The following MGAT5 variants were observed in gnomAD, a reference collection of about 807,000 sequenced individuals.
The protein encoded by MGAT5 is alpha-1,6-mannosylglycoprotein 6-beta-N-acetylglucosaminyltransferase, also known as alpha-1,6-mannosylglycoprotein 6-beta-N-acetylglucosaminyltransferase A.
In MGAT5, 30 loss-of-function variants were observed where a neutral mutation model predicts 94.3. The ratio of observed to expected loss-of-function variants is 0.32; its 90% CI spans 0.24 to 0.43. The LOEUF (loss-of-function observed/expected upper bound fraction) is 0.43. Ranked by LOEUF, MGAT5 falls within the 20% of genes least tolerant of loss-of-function variation. MGAT5 has a pLI of 1.00. For missense variants in MGAT5, 691 were observed against 905.5 expected, an observed-to-expected ratio of 0.76 and a Z score of 3.04; for synonymous variants, 310 against 322.9, an observed-to-expected ratio of 0.96 and a Z score of 0.43.
intron 10 of MGAT5, among the ~76,000 whole-genome samples, chr2:134,371,782 C>G (rs1258402858): frequency 6.6e-6 from 1 of 152,094 alleles, no homozygotes; most frequent in East Asian, 1.9e-4. Flanking sequence ...CAAGCAATAG[C>G]TTGGTTGTAG....
intron 9 of MGAT5, among the ~76,000 whole-genome samples, chr2:134,353,301 GAGA>G (rs1679510557): frequency 6.6e-6 from 1 of 152,160 alleles, no homozygotes; most frequent in Non-Finnish European, 1.5e-5. Flanking sequence ...CTCTCATACA[GAGA>G]AGATTATTAC....
intron 1 of MGAT5, among the ~76,000 whole-genome samples, chr2:134,264,249 C>T (rs1232826255): frequency 6.6e-6 from 1 of 152,020 alleles, no homozygotes; most frequent in Non-Finnish European, 1.5e-5. Flanking sequence ...CTCAAACTCC[C>T]GACCTCAGGT....
chr2:134,354,520 G>A (rs766567641), intron 9 of MGAT5, among the ~76,000 whole-genome samples: 2 of 152,146 alleles, frequency 1.3e-5, no homozygotes, highest in Admixed American at 1.3e-4. Context: ...CATGGTACAC[G>A]TCTCACTTTA....
At chr2:134,167,223 A>G (rs1027255148) in intron 1 of MGAT5, among the ~76,000 whole-genome samples, 1 of 152,248 alleles carries the variant, frequency 6.6e-6, no homozygotes, top group African/African-American at 2.4e-5. Context: ...TATTTAAGTG[A>G]TCACATAAGG....
At chr2:134,282,274 G>T (rs1046765912) in intron 2 of MGAT5, among the ~76,000 whole-genome samples, 1 of 152,236 alleles carries the variant, frequency 6.6e-6, no homozygotes, top group African/African-American at 2.4e-5. Flanking sequence ...GGCCAGGAGT[G>T]TGTGCCATGC....
At chr2:134,222,102 A>G (rs981287308) in intron 1 of MGAT5, among the ~76,000 whole-genome samples, 4 of 151,982 alleles carry the variant, frequency 2.6e-5, no homozygotes, top group African/African-American at 4.8e-5. Context: ...GTAGTAGCCA[A>G]TTCTTTAAGA....
chr2:134,415,635 G>C (rs1026871310), intron 12 of MGAT5, among the ~76,000 whole-genome samples: 1 of 152,090 alleles, frequency 6.6e-6, no homozygotes, highest in Admixed American at 6.5e-5. Flanking sequence ...TGCAATCTCA[G>C]TTGCCTGTTT....
rs78087079 is a variant in MGAT5 at position 134,234,643 on chromosome 2, G to T, written c.-142-19619G>T. 4.6e-3 allele frequency among the ~76,000 whole-genome samples: 708 copies of T among 152,298 alleles called. 21 individuals carry two copies. The East Asian group carries it at 0.1, about 22-fold the overall frequency. On this transcript the variant is annotated intron_variant, in intron 1 of 16. Transcript: ENST00000409645. Reference sequence around the variant, plus strand: ...CACCAGGTGCTTTTAAATTCCCTTCGTTTCTTGGGATTAGCAATAAGGTGT... The same window carrying T: ...CACCAGGTGCTTTTAAATTCCCTTCTTTTCTTGGGATTAGCAATAAGGTGT...
chr2:134,275,302 G>A (rs1370814627), intron 2 of MGAT5, among the ~76,000 whole-genome samples: 1 of 152,160 alleles, frequency 6.6e-6, no homozygotes, highest in African/African-American at 2.4e-5. Flanking sequence ...TTTGTTATTT[G>A]CAATGGTAAC....
At chr2:134,217,508 G>A (rs1384538477) in intron 1 of MGAT5, among the ~76,000 whole-genome samples, 2 of 152,148 alleles carry the variant, frequency 1.3e-5, no homozygotes, top group East Asian at 1.9e-4. Context: ...GAAAGCCACC[G>A]TCAAGAGGAA....
At chr2:134,293,115 A>G (rs555720015) in intron 2 of MGAT5, among the ~76,000 whole-genome samples, 1 of 152,362 alleles carries the variant, frequency 6.6e-6, no homozygotes, top group South Asian at 2.1e-4. Flanking sequence ...TCATTTCATT[A>G]CAATTCATTT....
intron 1 of MGAT5, among the ~76,000 whole-genome samples, chr2:134,171,839 G>A (rs1373405641): frequency 1.3e-5 from 2 of 152,128 alleles, no homozygotes; most frequent in East Asian, 3.9e-4. Flanking sequence ...CAGAGAGCTG[G>A]GGTATTTGCT....
intron 2 of MGAT5, among the ~76,000 whole-genome samples, chr2:134,313,246 G>T (rs910676522): frequency 6.6e-5 from 10 of 152,088 alleles, no homozygotes; most frequent in Non-Finnish European, 1.2e-4. Context: ...GAACACCCCC[G>T]CTGCGTGTAT....
rs1686107953 is a variant in MGAT5 at position 134,451,504 on chromosome 2, AG to A, written c.*2662del. On this transcript the variant is annotated 3_prime_UTR_variant, in exon 16 of 16. Coordinates refer to ENST00000281923, the MANE Select transcript of MGAT5 (RefSeq NM_002410.5). ...AGTGATCCTGGAGAGGAAACTGGGGAGGGGGCTTCCAACTGCCCTGCATGGA... is the reference window on the plus strand; with the variant it reads ...AGTGATCCTGGAGAGGAAACTGGGGAGGGGCTTCCAACTGCCCTGCATGGA... 1 of 152,210 alleles carries A rather than the reference AG, an allele frequency of 6.6e-6. No homozygotes were observed. The highest frequency in any genetic ancestry group is 1.5e-5 in the Non-Finnish European group (1 of 68,056). 9.4% of individuals were successfully genotyped at this position (152,210 alleles called of 1,614,324 possible).
chr2:134,288,578 G>A (rs933711593), intron 2 of MGAT5, among the ~76,000 whole-genome samples: 1 of 151,688 alleles, frequency 6.6e-6, no homozygotes, highest in African/African-American at 2.4e-5. Context: ...TTGATACCAT[G>A]TAAGTATTTG....
chr2:134,162,782 C>G (rs952171536), intron 1 of MGAT5, among the ~76,000 whole-genome samples: 4 of 152,206 alleles, frequency 2.6e-5, no homozygotes, highest in Non-Finnish European at 5.9e-5. Flanking sequence ...AAGTGCTTCA[C>G]CATTATTTCT....
chr2:134,176,877 A>G (rs1688492539), intron 1 of MGAT5, among the ~76,000 whole-genome samples: 2 of 152,126 alleles, frequency 1.3e-5, no homozygotes, highest in Non-Finnish European at 2.9e-5. Context: ...CTGGAGGCCC[A>G]CCTTGACCTC....
chr2:134,169,561 A>G (rs1447946862), intron 1 of MGAT5, among the ~76,000 whole-genome samples: 7 of 152,218 alleles, frequency 4.6e-5, no homozygotes, highest in East Asian at 3.9e-4. Flanking sequence ...GAGGGAGCCA[A>G]TTAATCTCCA....
intron 2 of MGAT5, among the ~76,000 whole-genome samples, chr2:134,304,276 G>A (rs539017899): frequency 1.3e-5 from 2 of 152,128 alleles, no homozygotes; most frequent in Non-Finnish European, 2.9e-5. Context: ...GGCAAGGACC[G>A]TATGTATTTA....
Sources: allele counts gnomAD v4.1 joint callset (sites outside exome capture counted in the v4.1 genomes callset), GRCh38; gene constraint gnomAD v4.1.1; transcripts MANE v1.5; gene names NCBI Gene and HGNC (gene_info 2026-07-23, HGNC 2026-07-21).